The following PTK2B variants were observed in gnomAD, a reference collection of about 807,000 sequenced individuals.
The protein encoded by PTK2B is protein-tyrosine kinase 2-beta.
A neutral mutation model predicts 142.9 loss-of-function variants in PTK2B; 71 were observed. The observed-to-expected ratio is 0.50, with a 90% CI of 0.41 to 0.61. The LOEUF is 0.61. Among genes scored for constraint, PTK2B ranks in the 20% least tolerant of loss-of-function variants. The pLI, the probability that PTK2B is intolerant of heterozygous loss-of-function variation, is 0.00. For missense variants in PTK2B, 1,105 were observed against 1,320.4 expected (o/e 0.84, Z 2.53); for synonymous variants, 519 against 503.4 (o/e 1.03, Z -0.42).
intron 2 of PTK2B, among the ~76,000 whole-genome samples, chr8:27,412,367 G>T (rs11775958): frequency 0.82 from 124,469 of 152,092 alleles, 51,460 homozygotes; most frequent in Middle Eastern, 0.95. Context: ...ATAGATTCAG[G>T]TGTAGTCTGA....
chr8:27,421,267 G>A (rs1368527112), intron 4 of PTK2B, among the ~76,000 whole-genome samples: 5 of 150,466 alleles, frequency 3.3e-5, no homozygotes, highest in South Asian at 2.1e-4. Flanking sequence ...TCCCTTACAC[G>A]TAGCACTTAC....
At chr8:27,311,705 G>T (rs902952026) in exon 1 of PTK2B, 23 of 168,298 alleles carry the variant, frequency 1.4e-4, no homozygotes, top group African/African-American at 5.2e-4. Flanking sequence ...GGGTCTTAAA[G>T]CACCGTGAGT....
chr8:27,416,056 A>G (rs777783357), intron 2 of PTK2B, among the ~76,000 whole-genome samples: 1 of 152,216 alleles, frequency 6.6e-6, no homozygotes, highest in Non-Finnish European at 1.5e-5. Flanking sequence ...TGGTCAACAT[A>G]GCATGACCCA....
chr8:27,393,693 T>C (rs1461619092), intron 1 of PTK2B, among the ~76,000 whole-genome samples: 1 of 152,118 alleles, frequency 6.6e-6, no homozygotes, highest in Admixed American at 6.5e-5. Flanking sequence ...TTTAGAGAAG[T>C]TTTTGTTTCA....
At chr8:27,444,679 G>T (rs62502451) in intron 23 of PTK2B, among the ~76,000 whole-genome samples, 2 of 152,082 alleles carry the variant, frequency 1.3e-5, no homozygotes, top group Admixed American at 1.3e-4. Flanking sequence ...GAGACAGCAG[G>T]GTTTTACCTG....
chr8:27,402,857 A>C (rs1393755337), intron 2 of PTK2B, among the ~76,000 whole-genome samples: 2 of 152,218 alleles, frequency 1.3e-5, no homozygotes, highest in Non-Finnish European at 2.9e-5. Flanking sequence ...ACATCTTCCC[A>C]CATCCGTTCT....
intron 1 of PTK2B, among the ~76,000 whole-genome samples, chr8:27,391,278 G>T (rs1235186981): frequency 6.6e-6 from 1 of 151,996 alleles, no homozygotes; most frequent in African/African-American, 2.4e-5. Flanking sequence ...TGTATTTTTA[G>T]TAGAGAAGGG....
intron 19 of PTK2B, 37 bp from the exon 20 acceptor site, chr8:27,439,272 T>G (rs1287673384): frequency 4.5e-5 from 71 of 1,577,982 alleles, no homozygotes; most frequent in Non-Finnish European, 5.9e-5. Context: ...ATTCTGATCT[T>G]TCTTCCCTAA....
chr8:27,351,328 C>T (rs1805078211), intron 1 of PTK2B, among the ~76,000 whole-genome samples: 1 of 151,848 alleles, frequency 6.6e-6, no homozygotes, highest in Non-Finnish European at 1.5e-5. Context: ...GTAATAATCA[C>T]CTGGTCCAAT....
In PTK2B at chr8:27,397,725, C is replaced by T. The variant is rs751668584; in HGVS notation, c.141C>T (p.Ser47=). The T allele has an allele frequency of 5.6e-6, 9 of 1,614,270 alleles. No homozygotes were observed. The Admixed American group carries it at 1.5e-4, about 27-fold the overall frequency. The change falls in exon 2 of 31, where the codon AGC becomes AGT. Residue 47 remains serine, a synonymous_variant. Coordinates refer to ENST00000346049, the MANE Select transcript of PTK2B (RefSeq NM_173176.3). ...DVRILKVCFY[S]NSFNPGKNFK... ...GTATCCTCAAGGTCTGCTTCTATAG[C>T]AACAGCTTCAATCCTGGGAAAAACT...
At chr8:27,311,544 A>G (rs1326036934) in exon 1 of PTK2B, 4 of 437,556 alleles carry the variant, frequency 9.1e-6, no homozygotes, top group Non-Finnish European at 1.6e-5. Flanking sequence ...AGGGTCTCCC[A>G]GGCGGCGTAG....
intron 3 of PTK2B, among the ~76,000 whole-genome samples, chr8:27,317,246 A>G (rs980402465): frequency 1.3e-5 from 2 of 152,186 alleles, no homozygotes; most frequent in African/African-American, 4.8e-5. Context: ...TTCTAAATTC[A>G]TCACTGGCAA....
chr8:27,341,741 A>G (rs1804414240), intron 1 of PTK2B, among the ~76,000 whole-genome samples: 1 of 151,974 alleles, frequency 6.6e-6, no homozygotes. Context: ...TAGCATAGTT[A>G]TACCTCAATG....
At chr8:27,411,259 A>T (rs1010531692) in intron 2 of PTK2B, among the ~76,000 whole-genome samples, 1 of 152,230 alleles carries the variant, frequency 6.6e-6, no homozygotes, top group African/African-American at 2.4e-5. Context: ...AGCTGTTTAC[A>T]TATTAGAATG....
At position 27,397,579 on chromosome 8, in the gene PTK2B, G is replaced by C; in HGVS notation, c.-6G>C. 1.2e-6 allele frequency: 2 copies of C among 1,613,250 alleles called. No individual in the cohort carries two copies. Among genetic ancestry groups the C allele is most frequent in the Non-Finnish European group, 1.7e-6 (2 of 1,179,938 alleles). On this transcript the variant is annotated 5_prime_UTR_variant, in exon 2 of 31. Transcript: ENST00000346049. ...AATGTGCCGATCTTAGCTGCTGCCT[G>C]AGAGGATGTCTGGGGTGTCCGAGCC... is the stretch of plus-strand genomic sequence containing the variant.
intron 1 of PTK2B, among the ~76,000 whole-genome samples, chr8:27,329,134 C>T (rs577806385): frequency 3.3e-5 from 5 of 152,214 alleles, no homozygotes; most frequent in Non-Finnish European, 5.9e-5. Flanking sequence ...GACGGGGTTT[C>T]GCCATGTTGG....
At chr8:27,383,438 G>A (rs888200722) in intron 1 of PTK2B, among the ~76,000 whole-genome samples, 1 of 152,038 alleles carries the variant, frequency 6.6e-6, no homozygotes, top group South Asian at 2.1e-4. Flanking sequence ...TAGAGACGGG[G>A]TGTCACCACG....
chr8:27,343,679 G>A (rs747059343), intron 1 of PTK2B, among the ~76,000 whole-genome samples: 7 of 152,086 alleles, frequency 4.6e-5, no homozygotes, highest in African/African-American at 7.2e-5. Flanking sequence ...TTACCATGTC[G>A]CCTGCCTTCT....
At chr8:27,337,727 T>C (rs1804161107) in intron 1 of PTK2B, among the ~76,000 whole-genome samples, 1 of 152,220 alleles carries the variant, frequency 6.6e-6, no homozygotes, top group Non-Finnish European at 1.5e-5. Context: ...ATGAGTAACA[T>C]TTTGTTGTGT....
Sources: gnomAD v4.1 joint callset for allele counts (sites outside exome capture counted in the v4.1 genomes callset) on GRCh38, gnomAD v4.1.1 for gene constraint, MANE v1.5 for transcripts, NCBI Gene and HGNC (gene_info 2026-07-23, HGNC 2026-07-21) for gene names.